The following MMP10 variants were observed in gnomAD, a reference collection of about 807,000 sequenced individuals.
The protein encoded by MMP10 is stromelysin-2.
In MMP10, 50 loss-of-function variants were observed where a neutral mutation model predicts 49.1. That is an observed-to-expected ratio of 1.02 (90% confidence interval 0.81 to 1.29). The LOEUF is 1.29. Ranked by LOEUF, MMP10 falls within the 50% of genes most tolerant of loss-of-function variation. The pLI, the probability that MMP10 is intolerant of heterozygous loss-of-function variation, is 0.00. For synonymous variants in MMP10, 229 were observed against 201.6 expected, an observed-to-expected ratio of 1.14 and a Z score of -1.15; for missense variants, 613 against 563.8, an observed-to-expected ratio of 1.09 and a Z score of -0.88.
rs17860950 is a variant in MMP10, at chr11:102,779,223, A to G, written c.486T>C (p.Phe162=). Residue 162 remains phenylalanine, a synonymous_variant, in exon 3 of 10, where the codon TTT becomes TTC. Coordinates refer to ENST00000279441, the MANE Select transcript of MMP10 (RefSeq NM_002425.3). ...GCTTTATTTGATTACCTTTAACTGC[A>G]AAAGAGATCATTATATCAGCCTCTC... is the stretch of plus-strand genomic sequence containing the variant. ...YEGEADIMIS[F]AVKEHGDFYS... 0.066 allele frequency: 106,053 copies of G among 1,612,926 alleles called. 4,471 individuals carry two copies. The highest frequency in any genetic ancestry group is 0.19 in the African/African-American group (14,414 of 74,958).
Position 102,772,841 on chromosome 11 carries a change from T to A in MMP10, c.1226+6A>T. ...TTCATAGAAAGTCATTTCTCTTGCA[T>A]CTCACCTCCAGTATTTGTCCGCTGC... On this transcript the variant is annotated splice_donor_region_variant and intron_variant, in intron 8 of 9. Coordinates refer to ENST00000279441, the MANE Select transcript of MMP10 (RefSeq NM_002425.3). This position sits in a 1 kb window ranked among gnomAD's most constrained non-coding sequence, Gnocchi z 4.4. 1.9e-6 allele frequency: 3 copies of A among 1,604,120 alleles called. No homozygotes were observed. Among genetic ancestry groups the A allele is most frequent in the Non-Finnish European group, 1.7e-6 (2 of 1,176,582 alleles).
At chr11:102,779,163 C>A in intron 3 of MMP10, 50 bp downstream of exon 3, 1 of 1,593,078 alleles carries the variant, frequency 6.3e-7, no homozygotes, top group Non-Finnish European at 8.5e-7. Context: ...CTTGCTATAG[C>A]AGTCTGAACA....
Position 102,776,412 on chromosome 11 carries a change from G to C in MMP10, c.800C>G (p.Ala267Gly), listed in dbSNP as rs144464068. 6.2e-7 allele frequency: 1 copy of C among 1,613,488 alleles called. No homozygotes were observed. The highest frequency in any genetic ancestry group is 1.7e-5 in the Admixed American group (1 of 59,868). The change falls in exon 6 of 10, where the codon GCC becomes GGC. Residue 267 changes from alanine (A) to glycine (G), a missense_variant. Transcript: ENST00000279441. Reference sequence around the variant, plus strand: ...GGGCACCAGGGGTTCCTCAGTAGAGGCAGGGGGAGGTCCTAAAGGAAACAG... The same window carrying C: ...GGGCACCAGGGGTTCCTCAGTAGAGCCAGGGGGAGGTCCTAAAGGAAACAG... ...GIQSLYGPPPASTEEPLVPTK... is the reference protein window; with the variant it reads ...GIQSLYGPPPGSTEEPLVPTK...
At chr11:102,774,840 C>A (rs982969337) in intron 7 of MMP10, among the ~76,000 whole-genome samples, 1 of 152,184 alleles carries the variant, frequency 6.6e-6, no homozygotes, top group Non-Finnish European at 1.5e-5. Flanking sequence ...TCACCAGGAG[C>A]ATCCTGGCTA....
intron 7 of MMP10, among the ~76,000 whole-genome samples, chr11:102,774,340 G>A (rs1862001679): frequency 6.6e-6 from 1 of 151,730 alleles, no homozygotes; most frequent in African/African-American, 2.4e-5. Flanking sequence ...AAAAATTAAG[G>A]CAACAATAAA....
chr11:102,772,947 G>C lies in MMP10; in HGVS notation c.1126C>G (p.His376Asp), dbSNP rs1425853910. ...EVQAGYPRGI[H>D]TLGFPPTIRK... ...ATGGTTGGAGGAAAACCCAGGGTAT[G>C]GATGCCTCTTGGATAACCTGCTTGT... The change falls in exon 8 of 10, where the codon CAT (histidine) becomes GAT (aspartate). Residue 376 changes from histidine to aspartate, a missense_variant. Physicochemically the swap from His to Asp is moderately conservative, Grantham distance 81. Coordinates refer to ENST00000279441, the MANE Select transcript of MMP10 (RefSeq NM_002425.3). The surrounding 1 kb of genome is among the most constrained non-coding windows in gnomAD (Gnocchi z 4.4). 1 of 1,613,674 alleles carries C rather than the reference G, an allele frequency of 6.2e-7. No individual in the cohort carries two copies. Among genetic ancestry groups the C allele is most frequent in the Non-Finnish European group, 8.5e-7 (1 of 1,179,718 alleles).
At chr11:102,776,805 T>C (rs2276108) in intron 4 of MMP10, 29 bp from the exon 5 acceptor site, 209,504 of 1,612,348 alleles carry the variant, frequency 0.13, 15,096 homozygotes, top group Middle Eastern at 0.17. Flanking sequence ...TGTTCAGAAT[T>C]CACCAGCTCT....
intron 3 of MMP10, 95 bp downstream of exon 3, chr11:102,779,118 T>C: frequency 6.6e-7 from 1 of 1,519,080 alleles, no homozygotes; most frequent in African/African-American, 1.4e-5. Flanking sequence ...GAGCAATAAA[T>C]TTCTGTTGTT....
chr11:102,770,530 TA>T lies in MMP10; in HGVS notation c.*262del. 1 of 339,946 alleles carries T rather than the reference TA, an allele frequency of 2.9e-6. No homozygotes were observed. 21.1% of individuals were successfully genotyped at this position (339,946 alleles called of 1,614,324 possible). A position where few individuals can be genotyped will look rare whatever the true frequency, so the allele number is the denominator to read the frequency against. ...GGAACAGGCCCAAAATAAAACTTTT[TA>T]TTGAGGAAGTAATAACACATCTATG... On this transcript the variant is annotated 3_prime_UTR_variant, in exon 10 of 10. Transcript: ENST00000279441.
chr11:102,771,812 A>AACACACACAC (rs61090976), intron 9 of MMP10, among the ~76,000 whole-genome samples, 200 bp downstream of exon 9: 48 of 150,188 alleles, frequency 3.2e-4, no homozygotes, highest in African/African-American at 1.2e-3. Context: ...TATTCAGGAA[A>AACACACACAC]ACACACACAC....
intron 6 of MMP10, 102 bp downstream of exon 6, chr11:102,776,178 T>A: frequency 9.4e-7 from 1 of 1,061,298 alleles, no homozygotes; most frequent in Non-Finnish European, 1.3e-6. Context: ...CATGTACCCC[T>A]GAACCTAAAA....
Position 102,772,107 on chromosome 11 carries a change from T to C in MMP10, c.1235A>G (p.Glu412Gly), listed in dbSNP as rs1397262633. Residue 412 changes from glutamate (E) to glycine (G), a missense_variant, in exon 9 of 10, where the codon GAA (glutamate) becomes GGA (glycine). Coordinates refer to ENST00000279441, the MANE Select transcript of MMP10 (RefSeq NM_002425.3). The surrounding 1 kb of genome is among the most constrained non-coding windows in gnomAD (Gnocchi z 4.4). Reference protein sequence around the residue: ...FAADKYWRFDENSQSMEQGFP... With the variant: ...FAADKYWRFDGNSQSMEQGFP... ...GCCTTGCTCCATGGACTGGCTATTTTCATCAAATCTAAACCAAATGAAAGA... is the reference window on the plus strand; with the variant it reads ...GCCTTGCTCCATGGACTGGCTATTTCCATCAAATCTAAACCAAATGAAAGA... The C allele has an allele frequency of 1.2e-6, 2 of 1,605,520 alleles. No homozygotes were observed. The highest frequency in any genetic ancestry group is 8.5e-7 in the Non-Finnish European group (1 of 1,172,574).
rs1862011655 is a variant in MMP10 at position 102,775,313 on chromosome 11, C to T, written c.941G>A (p.Trp314Ter). The T allele has an allele frequency of 1.2e-6, 2 of 1,603,354 alleles. No homozygotes were observed. The highest frequency in any genetic ancestry group is 1.3e-5 in the African/African-American group (1 of 74,474). ...EYLFFKDRYF[W>*]RRSHWNPEPE... ...TTCAGGGTTCCAGTGGGATCTTCGCCAAAAATATCTGTAATACATAAAATT... is the reference window on the plus strand; with the variant it reads ...TTCAGGGTTCCAGTGGGATCTTCGCTAAAAATATCTGTAATACATAAAATT... The change falls in exon 7 of 10, where the codon TGG becomes TAG. Residue 314 changes from tryptophan to a stop codon, truncating the protein, a stop_gained. Coordinates refer to ENST00000279441, the MANE Select transcript of MMP10 (RefSeq NM_002425.3). LOFTEE classifies it high-confidence loss of function.
rs756082466 is a variant in MMP10 at position 102,770,766 on chromosome 11, CCCATATCTGTCTT to C, written c.*14_*26del. ...ATAATTATTAGATTTATTAAAAACACCCATATCTGTCTTCCCCCTATCTCGCCTAGCAATGTAA... is the reference window on the plus strand; with the variant it reads ...ATAATTATTAGATTTATTAAAAACACCCCCCTATCTCGCCTAGCAATGTAA... On this transcript the variant is annotated 3_prime_UTR_variant, in exon 10 of 10. Coordinates refer to ENST00000279441, the MANE Select transcript of MMP10 (RefSeq NM_002425.3). 3.6e-6 allele frequency: 5 copies of C among 1,400,820 alleles called. No individual in the cohort carries two copies. The South Asian group carries it at 6.2e-5, about 17-fold the overall frequency. 86.8% of individuals were successfully genotyped at this position (1,400,820 alleles called of 1,614,324 possible).
In MMP10 at chr11:102,770,771, A is replaced by G; in HGVS notation, c.*22T>C. Reference sequence around the variant, plus strand: ...TATTAGATTTATTAAAAACACCCATATCTGTCTTCCCCCTATCTCGCCTAG... The same window carrying G: ...TATTAGATTTATTAAAAACACCCATGTCTGTCTTCCCCCTATCTCGCCTAG... On this transcript the variant is annotated 3_prime_UTR_variant, in exon 10 of 10. Coordinates refer to ENST00000279441, the MANE Select transcript of MMP10 (RefSeq NM_002425.3). 1.4e-6 allele frequency: 2 copies of G among 1,465,788 alleles called. No homozygotes were observed. Among genetic ancestry groups the G allele is most frequent in the Non-Finnish European group, 1.9e-6 (2 of 1,062,296 alleles). The allele number at this position is 1,465,788 out of a possible 1,614,324, so 90.8% of individuals were successfully genotyped here.
intron 4 of MMP10, among the ~76,000 whole-genome samples, chr11:102,778,125 C>A (rs1857771505): frequency 6.6e-6 from 1 of 152,076 alleles, no homozygotes. Context: ...GAAAAAAACC[C>A]ATCTAAGCTA....
At chr11:102,776,505 T>C in intron 5 of MMP10, 81 bp from the exon 6 acceptor site, 1 of 1,581,610 alleles carries the variant, frequency 6.3e-7, no homozygotes, top group Non-Finnish European at 8.6e-7. Context: ...TCAAACATTC[T>C]CAAAGTGCTT....
At chr11:102,776,242 A>C in intron 6 of MMP10, 38 bp downstream of exon 6, 1 of 1,579,450 alleles carries the variant, frequency 6.3e-7, no homozygotes, top group Non-Finnish European at 8.6e-7. Context: ...ACTGTACATC[A>C]AAAGAATAGA....
chr11:102,777,593 G>T (rs1465376053), intron 4 of MMP10, among the ~76,000 whole-genome samples: 1 of 152,080 alleles, frequency 6.6e-6, no homozygotes. Context: ...AATCTTCCCA[G>T]TAATAGGTGC....
Sources: allele counts gnomAD v4.1 joint callset (sites outside exome capture counted in the v4.1 genomes callset), GRCh38; gene constraint gnomAD v4.1.1; non-coding constraint Gnocchi (gnomAD v3.1); transcripts MANE v1.5; gene names NCBI Gene and HGNC (gene_info 2026-07-23, HGNC 2026-07-21).